SND1: variants seen among roughly 807,000 people sequenced by gnomAD.
The protein encoded by SND1 is staphylococcal nuclease and tudor domain containing 1.
In SND1, 38 loss-of-function variants were observed where a neutral mutation model predicts 121.7. The ratio of observed to expected loss-of-function variants is 0.31; its 90% CI spans 0.24 to 0.41. The LOEUF is 0.41. Ranked by LOEUF, SND1 falls within the 10% of genes least tolerant of loss-of-function variation. The pLI is 1.00. For missense variants in SND1, 868 were observed against 1,184.6 expected (o/e 0.73, Z 3.92); for synonymous variants, 401 against 447.4 (o/e 0.90, Z 1.31).
chr7:127,994,574 AAAAAAAAAAAAC>A (rs1177476455), intron 16 of SND1, among the ~76,000 whole-genome samples: 15 of 146,542 alleles, frequency 1.0e-4, no homozygotes, highest in Admixed American at 7.6e-4. Flanking sequence ...AAAAAAAAAA[AAAAAAAAAAAAC>A]AGTAAATTCA....
At chr7:127,909,184 T>G (rs1358864797) in intron 14 of SND1, among the ~76,000 whole-genome samples, 1 of 152,226 alleles carries the variant, frequency 6.6e-6, no homozygotes, top group Non-Finnish European at 1.5e-5. Flanking sequence ...TTCAGTCTTA[T>G]TTCTGAAAGT....
chr7:127,899,440 A>G (rs1800184379), intron 13 of SND1, among the ~76,000 whole-genome samples: 1 of 152,196 alleles, frequency 6.6e-6, no homozygotes. Flanking sequence ...TAGAACAACA[A>G]GTGGAATCAA....
chr7:127,858,435 C>G, intron 12 of SND1: 1 of 782,664 alleles, frequency 1.3e-6, no homozygotes, highest in Non-Finnish European at 2.1e-6. Context: ...GGGGTCTGGC[C>G]CAAGCTGTCC....
chr7:127,681,511 ATT>A (rs1187412645), intron 1 of SND1, among the ~76,000 whole-genome samples: 1 of 152,068 alleles, frequency 6.6e-6, no homozygotes, highest in Non-Finnish European at 1.5e-5. Flanking sequence ...TTATTTATTT[ATT>A]TTTAAGTTGC....
chr7:128,057,741 G>C (rs1221961896), intron 16 of SND1, among the ~76,000 whole-genome samples: 1 of 152,156 alleles, frequency 6.6e-6, no homozygotes, highest in Non-Finnish European at 1.5e-5. Context: ...CCATACTGAT[G>C]CATGCAATAA....
intron 11 of SND1, among the ~76,000 whole-genome samples, chr7:127,844,106 GTA>G (rs1350397201): frequency 3.3e-5 from 5 of 152,082 alleles, no homozygotes; most frequent in Non-Finnish European, 7.4e-5. Context: ...AGAGTTTTTT[GTA>G]TATTTTAGAT....
intron 10 of SND1, among the ~76,000 whole-genome samples, chr7:127,757,143 CA>C (rs1197768247): frequency 6.6e-6 from 1 of 152,178 alleles, no homozygotes; most frequent in Non-Finnish European, 1.5e-5. Flanking sequence ...TATTCCACAT[CA>C]ATTAGTTATG....
intron 14 of SND1, among the ~76,000 whole-genome samples, chr7:127,918,032 G>A (rs1800621438): frequency 1.3e-5 from 2 of 150,338 alleles, no homozygotes; most frequent in Non-Finnish European, 3.0e-5. Context: ...TCTAGGCAAA[G>A]CTTAATCGGC....
At chr7:127,715,290 G>A (rs1796367700) in intron 9 of SND1, among the ~76,000 whole-genome samples, 1 of 151,830 alleles carries the variant, frequency 6.6e-6, no homozygotes, top group Non-Finnish European at 1.5e-5. Flanking sequence ...TATCTTCTTT[G>A]GAGAAATGTC....
chr7:128,050,677 C>T (rs1325584298), intron 16 of SND1, among the ~76,000 whole-genome samples: 3 of 152,196 alleles, frequency 2.0e-5, no homozygotes, highest in Admixed American at 1.3e-4. Context: ...AGTCTTAGGG[C>T]CCAAATCTCT....
intron 16 of SND1, among the ~76,000 whole-genome samples, chr7:128,070,821 T>A (rs1183682953): frequency 6.6e-6 from 1 of 152,182 alleles, no homozygotes; most frequent in Non-Finnish European, 1.5e-5. Context: ...ATTTGCAAAT[T>A]CACCAAAATC....
chr7:127,909,860 G>A (rs941235126), intron 14 of SND1, among the ~76,000 whole-genome samples: 5 of 152,132 alleles, frequency 3.3e-5, no homozygotes, highest in African/African-American at 1.2e-4. Context: ...TTGACCAGTA[G>A]GATTCTGACT....
intron 16 of SND1, among the ~76,000 whole-genome samples, chr7:128,019,478 G>C (rs562123536): frequency 5.9e-5 from 9 of 152,292 alleles, no homozygotes; most frequent in African/African-American, 1.9e-4. Context: ...GGAGGGGACC[G>C]GTCTCTAGGG....
In SND1 at chr7:127,807,502, C is replaced by T; in HGVS notation, c.1171C>T (p.Arg391Cys). 1 of 1,613,610 alleles carries T rather than the reference C, an allele frequency of 6.2e-7. No homozygotes were observed. The highest frequency in any genetic ancestry group is 8.5e-7 in the Non-Finnish European group (1 of 1,179,612). ...ENTQDKNKKLRPLYDIPYMFE... is the reference protein window; with the variant it reads ...ENTQDKNKKLCPLYDIPYMFE... ...CTTTTAGGATAAGAACAAGAAACTG[C>T]GTCCCCTGTATGACATTCCTTACAT... is the stretch of plus-strand genomic sequence containing the variant. The change falls in exon 11 of 24, where the codon CGT becomes TGT. Residue 391 changes from arginine (R) to cysteine (C), a missense_variant. Arg to Cys is a radical substitution (Grantham distance 180). Around this residue, in one of 2 missense-constraint regions of SND1, gnomAD observed 743 missense variants for 1,071.3 expected, o/e 0.69. Coordinates refer to ENST00000354725, the MANE Select transcript of SND1 (RefSeq NM_014390.4).
intron 9 of SND1, among the ~76,000 whole-genome samples, chr7:127,717,285 G>C (rs1796408791): frequency 6.6e-6 from 1 of 151,982 alleles, no homozygotes; most frequent in African/African-American, 2.4e-5. Flanking sequence ...CTTTATTTCT[G>C]TTCCAGGATA....
At chr7:127,777,853 GA>G (rs978153872) in intron 10 of SND1, among the ~76,000 whole-genome samples, 2 of 152,152 alleles carry the variant, frequency 1.3e-5, no homozygotes, top group African/African-American at 4.8e-5. Context: ...CTGATTTTGA[GA>G]TTTTTTTTAG....
intron 16 of SND1, among the ~76,000 whole-genome samples, chr7:128,045,417 C>T (rs1792929226): frequency 6.6e-6 from 1 of 152,198 alleles, no homozygotes; most frequent in Non-Finnish European, 1.5e-5. Flanking sequence ...AGCTCTTCTG[C>T]TCTACATCAA....
intron 16 of SND1, among the ~76,000 whole-genome samples, chr7:128,073,981 G>A (rs940338910): frequency 2.6e-5 from 4 of 152,132 alleles, no homozygotes; most frequent in South Asian, 2.1e-4. Context: ...TCCTGCCCGC[G>A]TCTTTCTGCC....
chr7:127,944,442 G>T (rs1801281824), intron 15 of SND1, among the ~76,000 whole-genome samples: 2 of 152,182 alleles, frequency 1.3e-5, no homozygotes, highest in African/African-American at 4.8e-5. Flanking sequence ...TTTATTCTCA[G>T]CCCTCTATTG....
Sources: gnomAD v4.1 joint callset for allele counts (sites outside exome capture counted in the v4.1 genomes callset) on GRCh38, gnomAD v4.1.1 for gene constraint, gnomAD v4.1.1 regional missense constraint, MANE v1.5 for transcripts, NCBI Gene and HGNC (gene_info 2026-07-23, HGNC 2026-07-21) for gene names.